NAP1L4: variants seen among roughly 807,000 people sequenced by gnomAD.
NAP1L4 encodes nucleosome assembly protein 1-like 4.
Under a neutral mutation model 58.2 loss-of-function variants are expected in NAP1L4, and 15 were observed. The observed-to-expected ratio is 0.26, with a 90% CI of 0.17 to 0.40. The LOEUF is 0.40. Ranked by LOEUF, NAP1L4 falls within the 10% of genes least tolerant of loss-of-function variation. The pLI is 1.00. For missense variants in NAP1L4, 384 were observed against 451.1 expected, an observed-to-expected ratio of 0.85 and a Z score of 1.35; for synonymous variants, 171 against 155.6, an observed-to-expected ratio of 1.10 and a Z score of -0.74.
chr11:2,961,394 C>T (rs1323270278), intron 8 of NAP1L4, among the ~76,000 whole-genome samples: 2 of 151,298 alleles, frequency 1.3e-5, no homozygotes, highest in Admixed American at 6.6e-5. Flanking sequence ...ACCACACAAA[C>T]GAAAGGCCAG....
At chr11:2,986,299 G>A (rs1848611594) in intron 1 of NAP1L4, among the ~76,000 whole-genome samples, 1 of 151,680 alleles carries the variant, frequency 6.6e-6, no homozygotes. Context: ...GCTTGAACCT[G>A]GGGGGCGGAG....
chr11:2,984,483 A>C (rs1303777556), intron 1 of NAP1L4, among the ~76,000 whole-genome samples: 1 of 152,192 alleles, frequency 6.6e-6, no homozygotes, highest in Non-Finnish European at 1.5e-5. Context: ...AGGCAGGAGA[A>C]TCTCTTGAAC....
intron 7 of NAP1L4, among the ~76,000 whole-genome samples, chr11:2,969,545 T>G (rs79050336): frequency 0.01 from 1,541 of 152,132 alleles, 20 homozygotes; most frequent in African/African-American, 0.035. Flanking sequence ...TAAAAGGAAC[T>G]GATTTGAAAG....
chr11:2,982,466 C>A (rs1028335183), intron 1 of NAP1L4, among the ~76,000 whole-genome samples: 3 of 152,228 alleles, frequency 2.0e-5, no homozygotes, highest in African/African-American at 7.2e-5. Flanking sequence ...AAGACACATA[C>A]TTCATTTCCA....
rs765047266 is a variant in NAP1L4, at chr11:2,954,503, G to GC, written c.1035+23dup. On this transcript the variant is annotated intron_variant, in intron 12 of 15. Coordinates refer to ENST00000380542, the MANE Select transcript of NAP1L4 (RefSeq NM_005969.4). This position sits in a 1 kb window ranked among gnomAD's most constrained non-coding sequence, Gnocchi z 4.8. ...AACAGAGATAAGCACCCAGGTGGAA[G>GC]CCCCCCTTCCCCGAGCCTCATACAT... 1 of 1,613,054 alleles carries GC rather than the reference G, an allele frequency of 6.2e-7. No homozygotes were observed. The highest frequency in any genetic ancestry group is 8.5e-7 in the Non-Finnish European group (1 of 1,179,142).
chr11:2,986,470 A>G (rs1418710410), intron 1 of NAP1L4, among the ~76,000 whole-genome samples: 1 of 152,062 alleles, frequency 6.6e-6, no homozygotes, highest in Non-Finnish European at 1.5e-5. Flanking sequence ...ACTTTTATAT[A>G]TTTACTCTGT....
chr11:2,973,219 T>C (rs1451791432), intron 4 of NAP1L4, among the ~76,000 whole-genome samples: 1 of 152,252 alleles, frequency 6.6e-6, no homozygotes, highest in Non-Finnish European at 1.5e-5. Flanking sequence ...TCAGGTCAAC[T>C]ATGAGTTTGC....
At position 2,971,511 on chromosome 11, in the gene NAP1L4, A is replaced by C; in HGVS notation, c.339T>G (p.Asp113Glu). The C allele has an allele frequency of 1.2e-6, 2 of 1,613,808 alleles. No individual in the cohort carries two copies. Among genetic ancestry groups the C allele is most frequent in the Non-Finnish European group, 8.5e-7 (1 of 1,180,010 alleles). Residue 113 changes from aspartate to glutamate, a missense_variant, in exon 6 of 16, where the codon GAT becomes GAG. Around this residue, in one of 3 missense-constraint regions of NAP1L4, gnomAD observed 296 missense variants for 360.8 expected, o/e 0.82. Coordinates refer to ENST00000380542, the MANE Select transcript of NAP1L4 (RefSeq NM_005969.4). The surrounding 1 kb of genome is among the most constrained non-coding windows in gnomAD (Gnocchi z 4.2). The part of the protein sequence containing the change: ...FDKRREFITG[D>E]VEPTDAESEW... ...CCGATTCCGCATCTGTTGGTTCAACATCGCCGGTGATAAATTCTCTTCTCT... is the reference window on the plus strand; with the variant it reads ...CCGATTCCGCATCTGTTGGTTCAACCTCGCCGGTGATAAATTCTCTTCTCT...
At position 2,959,474 on chromosome 11, in the gene NAP1L4, T is replaced by C. The variant is rs1464221468; in HGVS notation, c.746+296A>G. On this transcript the variant is annotated intron_variant, in intron 9 of 15. Coordinates refer to ENST00000380542, the MANE Select transcript of NAP1L4 (RefSeq NM_005969.4). This position sits in a 1 kb window ranked among gnomAD's most constrained non-coding sequence, Gnocchi z 4.9. ...ATGGATTCAATTTTAAGAACTTCAA[T>C]TCACGATGTCTAGAGAATCCACTAC... 7.2e-5 allele frequency among the ~76,000 whole-genome samples: 11 copies of C among 152,212 alleles called. No individual in the cohort carries two copies. The highest frequency in any genetic ancestry group is 7.3e-5 in the Non-Finnish European group (5 of 68,042).
At chr11:2,969,574 C>A (rs1302024038) in intron 7 of NAP1L4, among the ~76,000 whole-genome samples, 1 of 152,138 alleles carries the variant, frequency 6.6e-6, no homozygotes, top group Non-Finnish European at 1.5e-5. Flanking sequence ...CAGGCTGAAG[C>A]GCCCAGCTTT....
intron 3 of NAP1L4, among the ~76,000 whole-genome samples, chr11:2,976,329 G>A (rs752458437): frequency 6.6e-6 from 1 of 152,290 alleles, no homozygotes; most frequent in Non-Finnish European, 1.5e-5. Flanking sequence ...TTAATCACCT[G>A]ATGGGTAGTT....
At chr11:2,988,666 ATCT>A (rs1309530708) in intron 1 of NAP1L4, among the ~76,000 whole-genome samples, 2 of 152,232 alleles carry the variant, frequency 1.3e-5, no homozygotes, top group Non-Finnish European at 2.9e-5. Context: ...AAATTATCTC[ATCT>A]TGTTTTTGAA....
intron 8 of NAP1L4, 63 bp downstream of exon 8, chr11:2,964,617 G>T: frequency 7.1e-7 from 1 of 1,404,672 alleles, no homozygotes; most frequent in Non-Finnish European, 9.9e-7. Context: ...CTGGCTCCAA[G>T]TTCTTCCATC....
chr11:2,965,468 C>T (rs1050605758), intron 7 of NAP1L4, among the ~76,000 whole-genome samples: 5 of 152,106 alleles, frequency 3.3e-5, no homozygotes, highest in Admixed American at 6.5e-5. Flanking sequence ...CTTACAGGAC[C>T]GCCATCCTAT....
intron 8 of NAP1L4, among the ~76,000 whole-genome samples, chr11:2,963,098 C>CA (rs55650724): frequency 0.016 from 1,592 of 97,012 alleles, 17 homozygotes; most frequent in Middle Eastern, 0.024. Flanking sequence ...GACTCGGTCT[C>CA]AAAAAAAAAA....
At chr11:2,956,634 G>A (rs911953719) in intron 10 of NAP1L4, among the ~76,000 whole-genome samples, 9 of 152,060 alleles carry the variant, frequency 5.9e-5, no homozygotes, top group East Asian at 1.9e-4. Context: ...CCCAAGCCTC[G>A]GTGTGCCAGC....
At chr11:2,969,989 C>T (rs2071110) in intron 6 of NAP1L4, 55 bp from the exon 7 acceptor site, 6 of 1,552,524 alleles carry the variant, frequency 3.9e-6, no homozygotes, top group African/African-American at 1.4e-5. Context: ...AACAATGCAG[C>T]GGCTTCACGT....
At chr11:2,967,955 C>T (rs577606701) in intron 7 of NAP1L4, among the ~76,000 whole-genome samples, 2 of 152,158 alleles carry the variant, frequency 1.3e-5, no homozygotes, top group African/African-American at 4.8e-5. Context: ...CAGGTGGCCA[C>T]ACGCACAGAA....
At chr11:2,965,153 A>G (rs936202635) in intron 7 of NAP1L4, among the ~76,000 whole-genome samples, 2 of 152,238 alleles carry the variant, frequency 1.3e-5, no homozygotes, top group Non-Finnish European at 2.9e-5. Context: ...AGAAGCCTGG[A>G]AGTCAGAAGA....
Sources: allele counts gnomAD v4.1 joint callset (sites outside exome capture counted in the v4.1 genomes callset), GRCh38; gene constraint gnomAD v4.1.1; regional missense constraint gnomAD v4.1.1; non-coding constraint Gnocchi (gnomAD v3.1); transcripts MANE v1.5; gene names NCBI Gene and HGNC (gene_info 2026-07-23, HGNC 2026-07-21).